Variants in TENM3 observed in about 807,000 individuals in gnomAD.
TENM3 encodes teneurin transmembrane protein 3, also known as teneurin-3.
A neutral mutation model predicts 255.1 loss-of-function variants in TENM3; 63 were observed. The observed-to-expected ratio is 0.25, with a 90% CI of 0.20 to 0.30. The LOEUF is 0.30. Among genes scored for constraint, TENM3 ranks in the 10% least tolerant of loss-of-function variants. The pLI is 1.00. For synonymous variants in TENM3, 1,306 were observed against 1,322.3 expected, an observed-to-expected ratio of 0.99 and a Z score of 0.27; for missense variants, 2,929 against 3,461.1, an observed-to-expected ratio of 0.85 and a Z score of 3.86.
At chr4:181,679,136 A>G in the TENM3 span, among the ~76,000 whole-genome samples, 27 of 152,220 alleles carry the variant, frequency 1.8e-4, no homozygotes, top group African/African-American at 5.8e-4. Flanking sequence ...CAGCAAGGGT[A>G]CTTCAACCAT....
the TENM3 span, chr4:181,522,633 T>A: frequency 1.8e-6 from 1 of 555,720 alleles, no homozygotes; most frequent in Non-Finnish European, 3.4e-6. Context: ...GGTCTCCAAC[T>A]ATGTTGTAGC....
intron 1 of TENM3, among the ~76,000 whole-genome samples, chr4:182,169,633 C>T (rs1751970700): frequency 6.6e-6 from 1 of 151,948 alleles, no homozygotes; most frequent in Non-Finnish European, 1.5e-5. Context: ...TTTTGTTTAC[C>T]AAATAATGTA....
chr4:182,799,469 T>G lies in TENM3; in HGVS notation c.7345-127T>G. 1 of 1,243,128 alleles carries G rather than the reference T, an allele frequency of 8.0e-7. No homozygotes were observed. The highest frequency in any genetic ancestry group is 2.9e-5 in the Admixed American group (1 of 34,166). The allele number at this position is 1,243,128 out of a possible 1,614,324, so 77.0% of individuals were successfully genotyped here. The stretch of plus-strand genomic sequence containing the variant: ...CCCTCCACCCGGGCTGTCAGCCTTC[T>G]GGTCAGGGAAGGACCCCGGGGCTTC... On this transcript the variant is annotated intron_variant, in intron 27 of 27. Transcript: ENST00000511685. The surrounding 1 kb of genome is among the most constrained non-coding windows in gnomAD (Gnocchi z 4.2).
chr4:181,847,327 T>G, the TENM3 span, among the ~76,000 whole-genome samples: 1 of 152,240 alleles, frequency 6.6e-6, no homozygotes, highest in Non-Finnish European at 1.5e-5. Flanking sequence ...GGTCACTATT[T>G]TCTTTTAAGT....
In TENM3 at chr4:182,250,341, T is replaced by C. The variant is rs186482659; in HGVS notation, c.-76+6865T>C. On this transcript the variant is annotated intron_variant, in intron 1 of 27. Transcript: ENST00000511685. ...TGCTGGGATTACAGGTGTGAGCCAC[T>C]GCGCCTGGCCTGTTCTAGTTATTTT... Among the ~76,000 whole-genome samples the C allele has an allele frequency of 6.4e-4, 97 of 152,268 alleles. No homozygotes were observed. In the South Asian group the frequency reaches 9.7e-3, roughly 15 times the overall value.
At chr4:181,561,494 A>T in the TENM3 span, among the ~76,000 whole-genome samples, 3 of 152,334 alleles carry the variant, frequency 2.0e-5, no homozygotes, top group South Asian at 4.1e-4. Context: ...GTTAAAGATT[A>T]TTCGTAATTT....
intron 3 of TENM3, among the ~76,000 whole-genome samples, chr4:182,585,549 CA>C (rs1423957230): frequency 6.6e-6 from 1 of 152,180 alleles, no homozygotes; most frequent in Non-Finnish European, 1.5e-5. Flanking sequence ...AGCAAGAAAA[CA>C]GCCATCTGCA....
chr4:182,033,948 G>C, the TENM3 span, among the ~76,000 whole-genome samples: 1 of 151,944 alleles, frequency 6.6e-6, no homozygotes, highest in Admixed American at 6.6e-5. Context: ...TGAGATGGAT[G>C]TATTAGTCTG....
At chr4:182,387,742 C>T (rs1196187344) in intron 3 of TENM3, among the ~76,000 whole-genome samples, 2 of 151,740 alleles carry the variant, frequency 1.3e-5, no homozygotes, top group African/African-American at 2.4e-5. Context: ...CCTGAGCCAG[C>T]GAGACCACGA....
the TENM3 span, among the ~76,000 whole-genome samples, chr4:181,631,696 C>T: frequency 6.6e-6 from 1 of 152,164 alleles, no homozygotes; most frequent in Non-Finnish European, 1.5e-5. Context: ...TTAAATGCAT[C>T]TGTGAATCCC....
chr4:181,754,809 G>A, the TENM3 span, among the ~76,000 whole-genome samples: 1 of 152,150 alleles, frequency 6.6e-6, no homozygotes, highest in Non-Finnish European at 1.5e-5. Flanking sequence ...AGCAATCCAT[G>A]TCTGACATTT....
the TENM3 span, among the ~76,000 whole-genome samples, chr4:181,741,030 T>TA: frequency 9.7e-4 from 147 of 152,298 alleles, no homozygotes; most frequent in Non-Finnish European, 1.8e-3. Flanking sequence ...GATGATCTCG[T>TA]AAAAAAATAT....
chr4:181,649,554 G>A, the TENM3 span, among the ~76,000 whole-genome samples: 1 of 152,142 alleles, frequency 6.6e-6, no homozygotes, highest in Non-Finnish European at 1.5e-5. Flanking sequence ...AATCCTTCAG[G>A]AACTGCTAAT....
intron 3 of TENM3, among the ~76,000 whole-genome samples, chr4:182,362,733 C>T (rs910964207): frequency 2.0e-5 from 3 of 152,176 alleles, no homozygotes; most frequent in Admixed American, 6.5e-5. Flanking sequence ...CACCCACTGA[C>T]CTGCGCCCAC....
At chr4:182,543,126 G>C (rs202165748) in intron 3 of TENM3, among the ~76,000 whole-genome samples, 1 of 152,074 alleles carries the variant, frequency 6.6e-6, no homozygotes, top group South Asian at 2.1e-4. Context: ...GTAATGACTC[G>C]ATGGATGCAT....
chr4:181,871,898 C>T, the TENM3 span, among the ~76,000 whole-genome samples: 1 of 152,054 alleles, frequency 6.6e-6, no homozygotes, highest in African/African-American at 2.4e-5. Context: ...TCTTGCATTC[C>T]TGGGATAAAC....
chr4:182,760,082 C>G (rs1434984354), intron 22 of TENM3, among the ~76,000 whole-genome samples: 3 of 152,134 alleles, frequency 2.0e-5, no homozygotes, highest in Non-Finnish European at 4.4e-5. Flanking sequence ...CTCTGACCTC[C>G]TCTTCCATTG....
At chr4:181,815,154 G>C in the TENM3 span, among the ~76,000 whole-genome samples, 1 of 152,030 alleles carries the variant, frequency 6.6e-6, no homozygotes, top group Non-Finnish European at 1.5e-5. Flanking sequence ...ATGGCAGTCT[G>C]TGAAAGTGTA....
chr4:182,119,907 G>A, the TENM3 span, among the ~76,000 whole-genome samples: 1 of 152,008 alleles, frequency 6.6e-6, no homozygotes, highest in East Asian at 1.9e-4. Flanking sequence ...TCCATGTGTT[G>A]CCTAAGCTGG....
Sources: allele counts gnomAD v4.1 joint callset (sites outside exome capture counted in the v4.1 genomes callset), GRCh38; gene constraint gnomAD v4.1.1; non-coding constraint Gnocchi (gnomAD v3.1); transcripts MANE v1.5; gene names NCBI Gene and HGNC (gene_info 2026-07-23, HGNC 2026-07-21).